ATF6: variants seen among roughly 807,000 people sequenced by gnomAD.
The protein encoded by ATF6 is activating transcription factor 6, also known as cyclic AMP-dependent transcription factor ATF-6 alpha.
In ATF6, 53 loss-of-function variants were observed where a neutral mutation model predicts 83.6. The observed-to-expected ratio is 0.63, with a 90% CI of 0.51 to 0.80. ATF6 has a LOEUF of 0.80. Ranked by LOEUF, ATF6 falls within the 30% of genes least tolerant of loss-of-function variation. The pLI is 0.00. For missense variants in ATF6, 744 were observed against 797.9 expected (o/e 0.93, Z 0.81); for synonymous variants, 288 against 285.8 (o/e 1.01, Z -0.08).
chr1:161,926,704 A>G (rs1360468571), intron 15 of ATF6, among the ~76,000 whole-genome samples: 1 of 152,134 alleles, frequency 6.6e-6, no homozygotes, highest in African/African-American at 2.4e-5. Flanking sequence ...ATTTGGGGGC[A>G]TCCTAGAGGC....
At chr1:161,877,767 G>T (rs1028696680) in intron 14 of ATF6, among the ~76,000 whole-genome samples, 1 of 152,068 alleles carries the variant, frequency 6.6e-6, no homozygotes, top group African/African-American at 2.4e-5. Context: ...CAATTAGAAG[G>T]CTTTTTCAGT....
In ATF6 at chr1:161,908,117, C is replaced by T. The variant is rs555137905; in HGVS notation, c.1720-4179C>T. Among the ~76,000 whole-genome samples the T allele has an allele frequency of 4.0e-4, 61 of 152,200 alleles. No individual in the cohort carries two copies. In the Middle Eastern group the frequency reaches 0.01, roughly 25 times the overall value. On this transcript the variant is annotated intron_variant, in intron 14 of 15. Transcript: ENST00000367942. ...TGAAAAAAGACACAACTCAACTAGT[C>T]GTGAATGTTCCCTGTGCTATGGGCA...
intron 15 of ATF6, among the ~76,000 whole-genome samples, chr1:161,926,573 A>G (rs956923152): frequency 6.6e-6 from 1 of 152,184 alleles, no homozygotes; most frequent in African/African-American, 2.4e-5. Context: ...ACTGTCTTTT[A>G]AACTTAATCT....
intron 4 of ATF6, among the ~76,000 whole-genome samples, chr1:161,787,720 A>G (rs1314617464): frequency 6.6e-6 from 1 of 150,394 alleles, no homozygotes. Context: ...TCTCGGATCC[A>G]TTTGAAATTA....
intron 14 of ATF6, among the ~76,000 whole-genome samples, chr1:161,886,874 A>G (rs2101864549): frequency 6.6e-6 from 1 of 152,324 alleles, no homozygotes; most frequent in Middle Eastern, 3.4e-3. Flanking sequence ...TCTTCATTTA[A>G]AGGCATGCAT....
chr1:161,880,681 A>G (rs1055397336), intron 14 of ATF6, among the ~76,000 whole-genome samples: 1 of 152,170 alleles, frequency 6.6e-6, no homozygotes, highest in Non-Finnish European at 1.5e-5. Flanking sequence ...ACTGTTAGCT[A>G]CTACAAACAA....
intron 9 of ATF6, among the ~76,000 whole-genome samples, chr1:161,837,103 C>G (rs1686239704): frequency 6.6e-6 from 1 of 152,130 alleles, no homozygotes; most frequent in Admixed American, 6.5e-5. Flanking sequence ...TGTGTAAGTG[C>G]TGCAGAACAT....
chr1:161,827,239 G>T (rs1159644524), intron 9 of ATF6, among the ~76,000 whole-genome samples: 1 of 152,024 alleles, frequency 6.6e-6, no homozygotes, highest in Non-Finnish European at 1.5e-5. Flanking sequence ...CCTGTTTTCA[G>T]TCTTTTTACT....
At chr1:161,823,537 T>G (rs1055092347) in intron 9 of ATF6, among the ~76,000 whole-genome samples, 1 of 152,212 alleles carries the variant, frequency 6.6e-6, no homozygotes, top group African/African-American at 2.4e-5. Flanking sequence ...CAAGTTACTT[T>G]CCTTCAAATT....
intron 15 of ATF6, among the ~76,000 whole-genome samples, chr1:161,948,473 T>C (rs1688799876): frequency 6.6e-6 from 1 of 152,238 alleles, no homozygotes; most frequent in Non-Finnish European, 1.5e-5. Flanking sequence ...CACATGATTG[T>C]ATTGCTGAGA....
intron 15 of ATF6, among the ~76,000 whole-genome samples, chr1:161,929,762 A>G (rs994600504): frequency 3.9e-5 from 6 of 152,230 alleles, no homozygotes; most frequent in African/African-American, 7.2e-5. Flanking sequence ...TGAAAAAACA[A>G]TGTGTTCCTA....
chr1:161,844,121 C>T (rs1571182537), intron 9 of ATF6, among the ~76,000 whole-genome samples: 2 of 152,264 alleles, frequency 1.3e-5, no homozygotes, highest in South Asian at 2.1e-4. Flanking sequence ...ATCAGTAGAA[C>T]AACAGTGTCT....
chr1:161,766,647 T>A (rs991124222), intron 1 of ATF6, among the ~76,000 whole-genome samples: 1 of 152,196 alleles, frequency 6.6e-6, no homozygotes, highest in Non-Finnish European at 1.5e-5. Flanking sequence ...TAGAATATTG[T>A]CTAACTGGAG....
intron 14 of ATF6, among the ~76,000 whole-genome samples, chr1:161,867,967 G>A (rs963952056): frequency 6.6e-6 from 1 of 152,132 alleles, no homozygotes; most frequent in African/African-American, 2.4e-5. Context: ...TGGATTATAA[G>A]GGTAGCCTTA....
chr1:161,938,217 C>A (rs923472572), intron 15 of ATF6, among the ~76,000 whole-genome samples: 3 of 152,180 alleles, frequency 2.0e-5, no homozygotes, highest in Admixed American at 2.0e-4. Flanking sequence ...CTTCTGCTCT[C>A]ATTTTTGTTT....
chr1:161,876,264 T>A (rs1237245428), intron 14 of ATF6, among the ~76,000 whole-genome samples: 2 of 152,000 alleles, frequency 1.3e-5, no homozygotes, highest in Admixed American at 1.3e-4. Flanking sequence ...AGCACAATTC[T>A]GTAGTTGAGA....
At chr1:161,935,848 TCTA>T (rs1688524565) in intron 15 of ATF6, among the ~76,000 whole-genome samples, 2 of 152,244 alleles carry the variant, frequency 1.3e-5, no homozygotes, top group Admixed American at 6.5e-5. Context: ...CTCGAGCATT[TCTA>T]AAGAAACGGA....
intron 15 of ATF6, among the ~76,000 whole-genome samples, chr1:161,929,862 T>C (rs1036212457): frequency 6.6e-6 from 1 of 152,216 alleles, no homozygotes; most frequent in Non-Finnish European, 1.5e-5. Context: ...TAGCCTCTAC[T>C]TGAGACCCAT....
chr1:161,798,533 A>G (rs1175485496), intron 6 of ATF6, among the ~76,000 whole-genome samples: 1 of 152,130 alleles, frequency 6.6e-6, no homozygotes, highest in East Asian at 1.9e-4. Flanking sequence ...AATTGCTTGA[A>G]CCCAGGAGGC....
Sources: allele counts gnomAD v4.1 joint callset (sites outside exome capture counted in the v4.1 genomes callset), GRCh38; gene constraint gnomAD v4.1.1; transcripts MANE v1.5; gene names NCBI Gene and HGNC (gene_info 2026-07-23, HGNC 2026-07-21).